Variants in ABL1 observed in about 807,000 individuals in gnomAD.
ABL1 encodes tyrosine-protein kinase ABL1.
ABL1 carries 11 observed loss-of-function variants against 94.7 expected under a neutral mutation model. The observed-to-expected ratio is 0.12, with a 90% confidence interval of 0.07 to 0.19. ABL1 has a LOEUF of 0.19. Ranked by LOEUF, ABL1 falls within the 10% of genes least tolerant of loss-of-function variation. The pLI, the probability that ABL1 is intolerant of heterozygous loss-of-function variation, is 1.00. For missense variants in ABL1, 1,082 were observed against 1,489.4 expected (o/e 0.73, Z 4.50); for synonymous variants, 656 against 622.4 (o/e 1.05, Z -0.80).
chr9:130,858,016 G>T (rs939140500), intron 3 of ABL1, among the ~76,000 whole-genome samples: 16 of 150,854 alleles, frequency 1.1e-4, no homozygotes, highest in Non-Finnish European at 1.5e-4. Flanking sequence ...CACCGCCCAT[G>T]GGGGGTGATT....
At chr9:130,746,044 A>T (rs944659975) in intron 1 of ABL1, among the ~76,000 whole-genome samples, 3 of 152,272 alleles carry the variant, frequency 2.0e-5, no homozygotes. Flanking sequence ...GACAAGGGTG[A>T]CATTAAAATC....
chr9:130,756,719 C>G (rs552336965), intron 1 of ABL1, among the ~76,000 whole-genome samples: 12 of 152,324 alleles, frequency 7.9e-5, no homozygotes, highest in Admixed American at 3.3e-4. Context: ...AACACAGCGT[C>G]AGCCTGACAC....
At chr9:130,745,275 G>C (rs1318202909) in intron 1 of ABL1, among the ~76,000 whole-genome samples, 1 of 151,886 alleles carries the variant, frequency 6.6e-6, no homozygotes, top group Non-Finnish European at 1.5e-5. Context: ...GTAGAGACAG[G>C]ATTTCTCCAT....
At chr9:130,729,657 C>T (rs1831636007) in intron 1 of ABL1, among the ~76,000 whole-genome samples, 1 of 152,166 alleles carries the variant, frequency 6.6e-6, no homozygotes, top group African/African-American at 2.4e-5. Context: ...TTTATTCAGC[C>T]ATACAGTTGT....
intron 1 of ABL1, among the ~76,000 whole-genome samples, chr9:130,822,788 A>C (rs1830379445): frequency 6.6e-6 from 1 of 150,962 alleles, no homozygotes; most frequent in Non-Finnish European, 1.5e-5. Context: ...AGTTCTCTGT[A>C]TTGTGGGTAC....
At position 130,826,600 on chromosome 9, in the gene ABL1, C is replaced by T. The variant is rs148124513; in HGVS notation, c.137-27464C>T. Among the ~76,000 whole-genome samples the T allele has an allele frequency of 1.4e-3, 213 of 152,076 alleles. 1 individual carries two copies. The highest frequency in any genetic ancestry group is 2.0e-3 in the African/African-American group (85 of 41,484). On this transcript the variant is annotated intron_variant, in intron 1 of 10. Transcript: ENST00000372348. ...GAGCTGGTTTGCCTGTAAGAATCTG[C>T]GGAAAGGTCAGAAATTAGAGACATT...
chr9:130,773,926 T>A (rs1320159784), intron 1 of ABL1, among the ~76,000 whole-genome samples: 8 of 152,230 alleles, frequency 5.3e-5, no homozygotes, highest in African/African-American at 1.7e-4. Flanking sequence ...GAAGTTTCCT[T>A]ATGATTCTTT....
chr9:130,754,332 C>A (rs990097828), intron 1 of ABL1, among the ~76,000 whole-genome samples: 1 of 151,194 alleles, frequency 6.6e-6, no homozygotes, highest in African/African-American at 2.4e-5. Flanking sequence ...CATGGTGAAA[C>A]CCCGTCTCTA....
intron 1 of ABL1, among the ~76,000 whole-genome samples, chr9:130,801,691 CTTTTG>C (rs1438303486): frequency 6.6e-6 from 1 of 152,008 alleles, no homozygotes; most frequent in African/African-American, 2.4e-5. Flanking sequence ...TTGTTGTTGG[CTTTTG>C]TTTTGTTTTT....
intron 1 of ABL1, among the ~76,000 whole-genome samples, chr9:130,790,316 ATCCATGCTGTGAGGGG>A (rs1331593115): frequency 1.3e-5 from 2 of 152,148 alleles, no homozygotes; most frequent in Non-Finnish European, 2.9e-5. Flanking sequence ...CCGCAGCTTT[ATCCATGCTGTGAGGGG>A]CCTCATGCAC....
intron 3 of ABL1, among the ~76,000 whole-genome samples, chr9:130,861,212 T>G (rs1448082764): frequency 1.3e-5 from 2 of 152,096 alleles, no homozygotes; most frequent in Non-Finnish European, 2.9e-5. Flanking sequence ...TTCCCCAGAG[T>G]GAAGCAATCT....
At chr9:130,730,869 G>A (rs1308163987) in intron 1 of ABL1, among the ~76,000 whole-genome samples, 9 of 151,922 alleles carry the variant, frequency 5.9e-5, no homozygotes. Context: ...ACCGTGCCTA[G>A]CCTGTGTACT....
rs1830570074 is a variant in ABL1 at position 130,835,778 on chromosome 9, T to C, written c.79+253T>C. Among the ~76,000 whole-genome samples the C allele has an allele frequency of 6.6e-6, 1 of 152,222 alleles. No individual in the cohort carries two copies. Among genetic ancestry groups the C allele is most frequent in the Non-Finnish European group, 1.5e-5 (1 of 68,034 alleles). ...TTCTCTCTCTCTGTCTCTTTCTCTT[T>C]CTCGCGATGGCCCCTAGGCGCCGCC... On this transcript the variant is annotated intron_variant, in intron 1 of 10. Coordinates refer to ENST00000318560, the MANE Select transcript of ABL1 (RefSeq NM_005157.6). This position sits in a 1 kb window ranked among gnomAD's most constrained non-coding sequence, Gnocchi z 4.6.
intron 7 of ABL1, among the ~76,000 whole-genome samples, chr9:130,876,177 A>AT: frequency 6.6e-6 from 1 of 151,460 alleles, no homozygotes; most frequent in Non-Finnish European, 1.5e-5. Flanking sequence ...TTTTTGAGTA[A>AT]TTTTTGGCAG....
At chr9:130,817,360 G>T (rs1354371151) in intron 1 of ABL1, among the ~76,000 whole-genome samples, 2 of 152,142 alleles carry the variant, frequency 1.3e-5, no homozygotes, top group Non-Finnish European at 2.9e-5. Flanking sequence ...TGCTTATACT[G>T]GTCCAAGCAA....
chr9:130,737,067 G>A (rs1337375293), intron 1 of ABL1, among the ~76,000 whole-genome samples: 1 of 151,978 alleles, frequency 6.6e-6, no homozygotes, highest in Admixed American at 6.6e-5. Flanking sequence ...TAATTTAATT[G>A]GTCTGGGGAG....
intron 10 of ABL1, among the ~76,000 whole-genome samples, chr9:130,881,691 G>T (rs1831456468): frequency 6.6e-6 from 1 of 152,246 alleles, no homozygotes; most frequent in African/African-American, 2.4e-5. Context: ...TGGAGGTGGG[G>T]GGTAGGCCAA....
At chr9:130,758,157 A>T (rs1057344908) in intron 1 of ABL1, among the ~76,000 whole-genome samples, 1 of 145,200 alleles carries the variant, frequency 6.9e-6, no homozygotes, top group African/African-American at 2.5e-5. Context: ...AGTGGCTAAG[A>T]TTTTTTTTTT....
chr9:130,828,834 G>C (rs558078237), intron 1 of ABL1, among the ~76,000 whole-genome samples: 13 of 152,270 alleles, frequency 8.5e-5, no homozygotes, highest in Admixed American at 1.3e-4. Context: ...GGAGAAGTTA[G>C]GAGACGTTAA....
Sources: gnomAD v4.1 joint callset for allele counts (sites outside exome capture counted in the v4.1 genomes callset) on GRCh38, gnomAD v4.1.1 for gene constraint, Gnocchi (gnomAD v3.1) non-coding constraint, MANE v1.5 for transcripts, NCBI Gene and HGNC (gene_info 2026-07-23, HGNC 2026-07-21) for gene names.